Variants in EXOC2 observed in about 807,000 individuals in gnomAD.
EXOC2 encodes the protein exocyst complex component 2, also known as SEC5-like 1.
EXOC2 carries 70 observed loss-of-function variants against 131.8 expected under a neutral mutation model. That is an observed-to-expected ratio of 0.53 (90% CI 0.44 to 0.65). The LOEUF (loss-of-function observed/expected upper bound fraction) is 0.65, where lower values mean the gene tolerates loss of function less well. EXOC2 is among the 30% of genes least tolerant of loss of function. EXOC2 has a pLI of 0.00. For missense variants in EXOC2, 923 were observed against 1,108.6 expected (o/e 0.83, Z 2.38); for synonymous variants, 411 against 398.4 (o/e 1.03, Z -0.38).
chr6:621,172 A>G (rs911214183), intron 4 of EXOC2, among the ~76,000 whole-genome samples: 1 of 152,158 alleles, frequency 6.6e-6, no homozygotes, highest in Non-Finnish European at 1.5e-5. Context: ...GACATGGAGA[A>G]CACCCCTAAA....
At chr6:564,215 A>G in intron 15 of EXOC2, 61 bp from the exon 16 acceptor site, 1 of 1,585,742 alleles carries the variant, frequency 6.3e-7, no homozygotes, top group Non-Finnish European at 8.6e-7. Context: ...AATCCCTAGC[A>G]TCTCTTTCAC....
intron 4 of EXOC2, among the ~76,000 whole-genome samples, chr6:622,623 G>A (rs1366720031): frequency 1.3e-5 from 2 of 152,158 alleles, no homozygotes; most frequent in South Asian, 2.1e-4. Flanking sequence ...CTGGAGAAAC[G>A]GCTAAGAACA....
In EXOC2 at chr6:688,226, A is replaced by G. The variant is rs375247642; in HGVS notation, c.-44+4793T>C. ...AAAGCGTGAAAATGCTGAAAAGTACATTCTGCAGAGATAAGAAGCGGGTAC... is the reference window on the plus strand; with the variant it reads ...AAAGCGTGAAAATGCTGAAAAGTACGTTCTGCAGAGATAAGAAGCGGGTAC... On this transcript the variant is annotated intron_variant, in intron 1 of 27. Transcript: ENST00000230449. 1.9e-4 allele frequency among the ~76,000 whole-genome samples: 29 copies of G among 152,364 alleles called. No homozygotes were observed. The East Asian group carries it at 2.1e-3, about 11-fold the overall frequency.
chr6:501,661 C>A (rs1401229681), intron 23 of EXOC2, among the ~76,000 whole-genome samples: 3 of 104,776 alleles, frequency 2.9e-5, no homozygotes, highest in Non-Finnish European at 5.5e-5. Flanking sequence ...ATAGATATAT[C>A]TATCTATAAA....
intron 1 of EXOC2, among the ~76,000 whole-genome samples, chr6:653,986 C>G (rs1249631271): frequency 1.3e-5 from 2 of 152,164 alleles, no homozygotes; most frequent in Non-Finnish European, 2.9e-5. Flanking sequence ...ATCAATAGAA[C>G]AACAGAGCCT....
At position 556,496 on chromosome 6, in the gene EXOC2, C is replaced by T. The variant is rs562854151; in HGVS notation, c.1920G>A (p.Pro640=). Residue 640 remains proline, a synonymous_variant, in exon 18 of 28, where the codon CCG becomes CCA. Coordinates refer to ENST00000230449, the MANE Select transcript of EXOC2 (RefSeq NM_018303.6). ...CTGGAATACTTACACTGGCCTCTCC[C>T]GGCTTGCACTCCAGAACCCCCTTCA... ...QSLKGVLECK[P]GEASVFQQPK... The T allele has an allele frequency of 2.5e-5, 40 of 1,614,016 alleles. No homozygotes were observed. Among genetic ancestry groups the T allele is most frequent in the South Asian group, 7.7e-5 (7 of 91,050 alleles).
Position 491,109 on chromosome 6 carries a change from G to C in EXOC2, c.2621+16C>G. 1.2e-6 allele frequency: 2 copies of C among 1,613,792 alleles called. No homozygotes were observed. The highest frequency in any genetic ancestry group is 1.7e-6 in the Non-Finnish European group (2 of 1,179,718). On this transcript the variant is annotated intron_variant, in intron 26 of 27. Coordinates refer to ENST00000230449, the MANE Select transcript of EXOC2 (RefSeq NM_018303.6). ...ATTTTTAATAGAGCACTCAACTAAAGAACACTGCCACTTACTTGCTTTCGG... is the reference window on the plus strand; with the variant it reads ...ATTTTTAATAGAGCACTCAACTAAACAACACTGCCACTTACTTGCTTTCGG...
At chr6:639,879 G>T (rs1186820911) in intron 1 of EXOC2, among the ~76,000 whole-genome samples, 1 of 152,170 alleles carries the variant, frequency 6.6e-6, no homozygotes, top group African/African-American at 2.4e-5. Flanking sequence ...GCAGGAGCAT[G>T]GTTACCCAAC....
At chr6:619,691 T>C in intron 4 of EXOC2, 148 bp from the exon 5 acceptor site, 1 of 534,136 alleles carries the variant, frequency 1.9e-6, no homozygotes, top group Non-Finnish European at 3.3e-6. Flanking sequence ...CATGTTTGTA[T>C]ATATGTACAA....
intron 27 of EXOC2, among the ~76,000 whole-genome samples, chr6:487,095 T>G (rs1337790454): frequency 6.6e-6 from 1 of 152,132 alleles, no homozygotes; most frequent in East Asian, 1.9e-4. Context: ...ACCTTCAAAT[T>G]CACTTTTTGT....
At chr6:680,476 G>T (rs1420646693) in intron 1 of EXOC2, among the ~76,000 whole-genome samples, 1 of 152,180 alleles carries the variant, frequency 6.6e-6, no homozygotes, top group Non-Finnish European at 1.5e-5. Context: ...GGGAAATTGT[G>T]CCTTTAAATA....
At chr6:656,161 G>A (rs999835809) in intron 1 of EXOC2, 42 of 1,613,898 alleles carry the variant, frequency 2.6e-5, no homozygotes, top group Non-Finnish European at 3.5e-5. Flanking sequence ...ACCAAAACAA[G>A]CTGAAGAAGA....
chr6:502,490 AC>A (rs1764280578), intron 23 of EXOC2, among the ~76,000 whole-genome samples: 1 of 152,120 alleles, frequency 6.6e-6, no homozygotes, highest in Non-Finnish European at 1.5e-5. Context: ...TCCCACTCGG[AC>A]CCCGACATCA....
intron 13 of EXOC2, among the ~76,000 whole-genome samples, chr6:571,753 C>T (rs957066859): frequency 5.9e-5 from 9 of 151,522 alleles, no homozygotes; most frequent in South Asian, 2.1e-4. Flanking sequence ...GGTGTAGAGT[C>T]GGTCTCCTGC....
At chr6:586,488 A>C (rs756181023) in intron 11 of EXOC2, among the ~76,000 whole-genome samples, 7 of 152,222 alleles carry the variant, frequency 4.6e-5, no homozygotes, top group Non-Finnish European at 7.3e-5. Context: ...GGTCTGTGTA[A>C]AATTTCCTTA....
chr6:585,018 A>G (rs1361805221), intron 11 of EXOC2, among the ~76,000 whole-genome samples: 1 of 152,210 alleles, frequency 6.6e-6, no homozygotes, highest in African/African-American at 2.4e-5. Flanking sequence ...GACGCAGTCT[A>G]ATTTTGGACC....
At chr6:499,092 GC>G (rs757132942) in intron 24 of EXOC2, among the ~76,000 whole-genome samples, 3 of 152,290 alleles carry the variant, frequency 2.0e-5, no homozygotes, top group East Asian at 3.9e-4. Flanking sequence ...TCAAGTGAGA[GC>G]AAGTTTTCGC....
At chr6:669,216 G>C (rs906096049) in intron 1 of EXOC2, 1 of 152,300 alleles carries the variant, frequency 6.6e-6, no homozygotes, top group Non-Finnish European at 1.5e-5. Context: ...CTACATGCCA[G>C]ATCTTCCCAG....
At chr6:614,977 T>A (rs930687484) in intron 6 of EXOC2, among the ~76,000 whole-genome samples, 8 of 151,622 alleles carry the variant, frequency 5.3e-5, no homozygotes, top group African/African-American at 1.9e-4. Context: ...AAAAAAGATA[T>A]CTCTGAAGAA....
Sources: gnomAD v4.1 joint callset for allele counts (sites outside exome capture counted in the v4.1 genomes callset) on GRCh38, gnomAD v4.1.1 for gene constraint, MANE v1.5 for transcripts, NCBI Gene and HGNC (gene_info 2026-07-23, HGNC 2026-07-21) for gene names.